Variants in SEMA5A observed in about 807,000 individuals in gnomAD.
SEMA5A encodes the protein semaphorin 5A.
In SEMA5A, 55 loss-of-function variants were observed where a neutral mutation model predicts 135.5. That is an observed-to-expected ratio of 0.41 (90% CI 0.33 to 0.51). The LOEUF is 0.51. Among genes scored for constraint, SEMA5A ranks in the 20% least tolerant of loss-of-function variants. SEMA5A has a pLI of 0.37. For missense variants in SEMA5A, 1,290 were observed against 1,419.9 expected, an observed-to-expected ratio of 0.91 and a Z score of 1.47; for synonymous variants, 580 against 546.5, an observed-to-expected ratio of 1.06 and a Z score of -0.85.
chr5:9,328,454 C>A (rs561307947), intron 4 of SEMA5A, among the ~76,000 whole-genome samples: 2 of 152,296 alleles, frequency 1.3e-5, no homozygotes, highest in South Asian at 4.1e-4. Flanking sequence ...TCAAATTTAC[C>A]AAGCCAGCAG....
intron 5 of SEMA5A, among the ~76,000 whole-genome samples, chr5:9,268,358 C>G (rs1271757991): frequency 6.6e-6 from 1 of 152,120 alleles, no homozygotes; most frequent in Non-Finnish European, 1.5e-5. Flanking sequence ...ATGTGCACAG[C>G]TAGCAGTTCA....
intron 22 of SEMA5A, chr5:9,043,311 C>A (rs370598832): frequency 1.3e-4 from 36 of 278,146 alleles, no homozygotes; most frequent in Middle Eastern, 2.4e-3. Context: ...TCTAGAAAAC[C>A]TAAAACTATA....
At chr5:9,233,482 G>A (rs1462525543) in intron 6 of SEMA5A, among the ~76,000 whole-genome samples, 1 of 150,358 alleles carries the variant, frequency 6.7e-6, no homozygotes, top group Non-Finnish European at 1.5e-5. Context: ...TTTCCCCCAT[G>A]GAATATTTAA....
chr5:9,255,307 T>A (rs1805977), intron 5 of SEMA5A, among the ~76,000 whole-genome samples: 2 of 152,298 alleles, frequency 1.3e-5, no homozygotes, highest in South Asian at 4.1e-4. Context: ...CAATCATCCA[T>A]CTGCATTTGT....
chr5:9,279,112 G>A (rs1244285918), intron 5 of SEMA5A, among the ~76,000 whole-genome samples: 2 of 152,228 alleles, frequency 1.3e-5, no homozygotes, highest in African/African-American at 4.8e-5. Context: ...CATGAAAGCA[G>A]CCAAGGGGCG....
At chr5:9,154,839 G>A in intron 11 of SEMA5A, 144 bp from the exon 12 acceptor site, 1 of 699,044 alleles carries the variant, frequency 1.4e-6, no homozygotes, top group East Asian at 2.7e-5. Flanking sequence ...AGTACACCTG[G>A]ACACCACTGC....
At chr5:9,480,123 T>C (rs1015799498) in intron 1 of SEMA5A, among the ~76,000 whole-genome samples, 3 of 152,116 alleles carry the variant, frequency 2.0e-5, no homozygotes, top group Admixed American at 1.3e-4. Context: ...CTCTGCACAT[T>C]CGACACGAAT....
At chr5:9,063,426 C>T (rs960387856) in intron 17 of SEMA5A, among the ~76,000 whole-genome samples, 1 of 152,184 alleles carries the variant, frequency 6.6e-6, no homozygotes, top group African/African-American at 2.4e-5. Flanking sequence ...ACAAAGAAAA[C>T]ACAACTTTCT....
intron 2 of SEMA5A, among the ~76,000 whole-genome samples, chr5:9,387,684 T>C (rs1169319708): frequency 2.6e-5 from 4 of 152,204 alleles, no homozygotes; most frequent in Non-Finnish European, 5.9e-5. Flanking sequence ...CTAGGTACAG[T>C]GTAGGAAATG....
intron 2 of SEMA5A, among the ~76,000 whole-genome samples, chr5:9,400,089 A>G (rs1756585590): frequency 6.6e-6 from 1 of 152,202 alleles, no homozygotes; most frequent in African/African-American, 2.4e-5. Flanking sequence ...GTTCTCACTC[A>G]TAAGTGGGAG....
intron 5 of SEMA5A, among the ~76,000 whole-genome samples, chr5:9,305,728 T>TA (rs1287444762): frequency 4.2e-5 from 4 of 95,030 alleles, no homozygotes; most frequent in Non-Finnish European, 4.6e-5. Flanking sequence ...ATATATATAT[T>TA]TACACGCACA....
rs535280427 is a variant in SEMA5A at position 9,110,591 on chromosome 5, G to A, written c.1926-2304C>T. 1.1e-4 allele frequency among the ~76,000 whole-genome samples: 16 copies of A among 152,198 alleles called. 1 individual carries two copies. The highest frequency in any genetic ancestry group is 2.2e-4 in the Non-Finnish European group (15 of 68,022). ...CAAAACAAAAACAGTGGAGTCCAAA[G>A]TCAGCCTCTTAACTGAAAGTGGAAG... On this transcript the variant is annotated intron_variant, in intron 15 of 22. Coordinates refer to ENST00000382496, the MANE Select transcript of SEMA5A (RefSeq NM_003966.3).
chr5:9,310,104 C>T (rs1018956), intron 5 of SEMA5A, among the ~76,000 whole-genome samples: 103,139 of 151,988 alleles, frequency 0.68, 38,077 homozygotes, highest in Non-Finnish European at 0.83. Context: ...GAGAACTTGC[C>T]GAGTACTAGG....
chr5:9,233,170 G>A (rs962055822), intron 6 of SEMA5A, among the ~76,000 whole-genome samples: 4 of 152,202 alleles, frequency 2.6e-5, no homozygotes, highest in African/African-American at 9.7e-5. Flanking sequence ...ATCACAAAGT[G>A]TAATAGAAGC....
At chr5:9,194,722 A>T (rs1164115935) in intron 10 of SEMA5A, among the ~76,000 whole-genome samples, 3 of 152,244 alleles carry the variant, frequency 2.0e-5, no homozygotes, top group Non-Finnish European at 2.9e-5. Context: ...AGAGAAGAAC[A>T]GCTCAGGAAT....
In SEMA5A at chr5:9,160,855, G is replaced by A. The variant is rs1743213958; in HGVS notation, c.1274-6160C>T. Among the ~76,000 whole-genome samples, 3 of 152,170 alleles carry A rather than the reference G, an allele frequency of 2.0e-5. No individual in the cohort carries two copies. The South Asian group carries it at 6.2e-4, about 32-fold the overall frequency. ...TTTACAAAGGTAAAGTTTGCACACT[G>A]TCACACAAAACAGTAGTAGATTCCA... On this transcript the variant is annotated intron_variant, in intron 11 of 22. Transcript: ENST00000382496.
chr5:9,453,074 T>C (rs1258602441), intron 1 of SEMA5A, among the ~76,000 whole-genome samples: 1 of 152,176 alleles, frequency 6.6e-6, no homozygotes, highest in Non-Finnish European at 1.5e-5. Flanking sequence ...TTTATACCTG[T>C]GGGATTAAAA....
intron 1 of SEMA5A, among the ~76,000 whole-genome samples, chr5:9,533,265 G>A (rs1053047141): frequency 3.3e-5 from 5 of 152,130 alleles, no homozygotes; most frequent in African/African-American, 1.2e-4. Context: ...TCAACTTACT[G>A]TGGCATCAAC....
At chr5:9,206,109 C>T (rs1198566772) in intron 8 of SEMA5A, among the ~76,000 whole-genome samples, 1 of 152,142 alleles carries the variant, frequency 6.6e-6, no homozygotes, top group East Asian at 1.9e-4. Flanking sequence ...TAGTATCTGT[C>T]ACTCCTGAGT....
Sources: gnomAD v4.1 joint callset for allele counts (sites outside exome capture counted in the v4.1 genomes callset) on GRCh38, gnomAD v4.1.1 for gene constraint, MANE v1.5 for transcripts, NCBI Gene and HGNC (gene_info 2026-07-23, HGNC 2026-07-21) for gene names.